The following DMD variants were observed in gnomAD, a reference collection of about 807,000 sequenced individuals.
The protein encoded by DMD is mutant dystrophin.
DMD carries 63 observed loss-of-function variants against 330.1 expected under a neutral mutation model. The ratio of observed to expected loss-of-function variants is 0.19; its 90% CI spans 0.16 to 0.24. The LOEUF is 0.24. DMD is among the 10% of genes least tolerant of loss of function. The pLI, the probability that DMD is intolerant of heterozygous loss-of-function variation, is 1.00. For synonymous variants in DMD, 1,223 were observed against 959.8 expected (o/e 1.27, Z -5.07); for missense variants, 3,344 against 2,684.1 (o/e 1.25, Z -5.43).
intron 63 of DMD, among the ~76,000 whole-genome samples, chrX:31,242,278 A>AT (rs1208446293): frequency 9.6e-6 from 1 of 104,608 alleles, no homozygotes; most frequent in African/African-American, 3.5e-5. Flanking sequence ...AAAAAAAAAA[A>AT]AAAAAAAAAA....
At chrX:32,858,472 G>A (rs774496652) in intron 2 of DMD, among the ~76,000 whole-genome samples, 8 of 111,611 alleles carry the variant, frequency 7.2e-5, no homozygotes, top group African/African-American at 2.6e-4. Flanking sequence ...TGGGACTACA[G>A]GCATGTGTCA....
At chrX:32,529,214 C>T (rs1195086859) in intron 17 of DMD, among the ~76,000 whole-genome samples, 2 of 106,856 alleles carry the variant, frequency 1.9e-5, no homozygotes, top group Non-Finnish European at 3.8e-5. Flanking sequence ...TGTGAGCCAC[C>T]GCGCCAGGTC....
intron 1 of DMD, among the ~76,000 whole-genome samples, chrX:33,277,010 T>C (rs878897243): frequency 8.9e-6 from 1 of 112,149 alleles, no homozygotes; most frequent in Admixed American, 9.5e-5. Flanking sequence ...TGTGTATATA[T>C]AGTTATACTC....
intron 12 of DMD, among the ~76,000 whole-genome samples, chrX:32,603,115 C>A (rs1043895147): frequency 4.5e-5 from 5 of 110,691 alleles, no homozygotes; most frequent in Admixed American, 1.9e-4. Flanking sequence ...TGTGCTAGGC[C>A]ACAAGGTGGT....
At chrX:31,450,548 T>C (rs1438862040) in intron 59 of DMD, among the ~76,000 whole-genome samples, 1 of 112,556 alleles carries the variant, frequency 8.9e-6, no homozygotes, top group Non-Finnish European at 1.9e-5. Flanking sequence ...CATCATTATC[T>C]GTAATTTTTG....
At chrX:32,447,373 G>A (rs1423519789) in intron 27 of DMD, among the ~76,000 whole-genome samples, 2 of 110,382 alleles carry the variant, frequency 1.8e-5, no homozygotes, top group African/African-American at 3.3e-5. Context: ...AAGAGTCTGA[G>A]GAGTGAATTG....
intron 4 of DMD, among the ~76,000 whole-genome samples, chrX:32,824,135 G>T (rs1445768384): frequency 8.9e-6 from 1 of 112,013 alleles, no homozygotes; most frequent in Non-Finnish European, 1.9e-5. Context: ...GGAGAAACTG[G>T]ATGACTCAAC....
chrX:32,323,353 C>G (rs867646675), intron 41 of DMD, among the ~76,000 whole-genome samples: 10 of 110,818 alleles, frequency 9.0e-5, no homozygotes, highest in South Asian at 3.8e-4. Flanking sequence ...GATTTCAAAA[C>G]AATGAGAAAT....
At chrX:32,811,159 C>A (rs1168754026) in intron 6 of DMD, among the ~76,000 whole-genome samples, 4 of 102,601 alleles carry the variant, frequency 3.9e-5, no homozygotes, top group Non-Finnish European at 5.8e-5. Context: ...CATAGTGAGA[C>A]CTGGTCTCTA....
intron 67 of DMD, among the ~76,000 whole-genome samples, chrX:31,190,626 G>T (rs1256875518): frequency 4.4e-5 from 2 of 45,414 alleles, no homozygotes; most frequent in African/African-American, 1.5e-4. Flanking sequence ...GGAGGGCGGG[G>T]AGGGGGTGCT....
At chrX:31,406,302 G>C (rs1413576581) in intron 60 of DMD, among the ~76,000 whole-genome samples, 1 of 111,227 alleles carries the variant, frequency 9.0e-6, no homozygotes. Context: ...CTTAATATCT[G>C]GGTGATAAAA....
intron 50 of DMD, among the ~76,000 whole-genome samples, chrX:31,813,524 T>C (rs2092523567): frequency 8.9e-6 from 1 of 112,120 alleles, no homozygotes; most frequent in African/African-American, 3.2e-5. Context: ...AAGAAGTGCC[T>C]CTGCTCTTCC....
rs1357637200 is a variant in DMD at position 32,485,901 on chromosome X, GT to G, written c.2623-803del. 3.7e-5 allele frequency among the ~76,000 whole-genome samples: 4 copies of G among 108,101 alleles called. No individual in the cohort carries two copies. In the East Asian group the frequency reaches 1.2e-3, roughly 31 times the overall value. The allele number at this position is 108,101 out of a possible 115,157, so 93.9% of individuals were successfully genotyped here. ...TGGGATTACAGGTGCCCGCTACCGT[GT>G]CCAGCAAATTTTTTTTATTTTTAGT... On this transcript the variant is annotated intron_variant, in intron 20 of 78. Transcript: ENST00000357033.
At chrX:31,997,620 T>C (rs1274361476) in intron 44 of DMD, among the ~76,000 whole-genome samples, 1 of 110,771 alleles carries the variant, frequency 9.0e-6, no homozygotes, top group Non-Finnish European at 1.9e-5. Context: ...CACGTATTTT[T>C]AAAGGGCATG....
chrX:33,177,249 G>A (rs977397459), intron 1 of DMD, among the ~76,000 whole-genome samples: 4 of 112,255 alleles, frequency 3.6e-5, no homozygotes, highest in African/African-American at 1.3e-4. Flanking sequence ...TGGGCAACAA[G>A]CACTCCCAGC....
chrX:32,664,064 A>G (rs764753752), intron 9 of DMD, among the ~76,000 whole-genome samples: 8 of 111,291 alleles, frequency 7.2e-5, no homozygotes, highest in Non-Finnish European at 1.3e-4. Context: ...CTTACGTTTT[A>G]ACAAGACCAT....
At chrX:32,682,588 G>C (rs926747271) in intron 9 of DMD, among the ~76,000 whole-genome samples, 1 of 111,603 alleles carries the variant, frequency 9.0e-6, no homozygotes, top group African/African-American at 3.3e-5. Flanking sequence ...TTTTATGCTT[G>C]AAGAGTTCAT....
intron 2 of DMD, among the ~76,000 whole-genome samples, chrX:32,999,429 T>G (rs1450899148): frequency 1.8e-5 from 2 of 111,962 alleles, no homozygotes; most frequent in African/African-American, 6.5e-5. Flanking sequence ...CCCTTTTAAG[T>G]TGGCAATGAA....
At chrX:33,110,766 C>A (rs1481982457) in intron 1 of DMD, among the ~76,000 whole-genome samples, 1 of 110,882 alleles carries the variant, frequency 9.0e-6, no homozygotes, top group Non-Finnish European at 1.9e-5. Context: ...TTTATTTGTT[C>A]ATCTTTGTGT....
Sources: allele counts gnomAD v4.1 joint callset (sites outside exome capture counted in the v4.1 genomes callset), GRCh38; gene constraint gnomAD v4.1.1; transcripts MANE v1.5; gene names NCBI Gene and HGNC (gene_info 2026-07-23, HGNC 2026-07-21).